The following LEKR1 variants were observed in gnomAD, a reference collection of about 807,000 sequenced individuals.
The protein encoded by LEKR1 is leucine, glutamate and lysine rich 1.
Under a neutral mutation model 72.4 loss-of-function variants are expected in LEKR1, and 59 were observed. The observed-to-expected ratio is 0.82, with a 90% CI of 0.66 to 1.01. The LOEUF is 1.01. Among genes scored for constraint, LEKR1 ranks in the 50% least tolerant of loss-of-function variants. The pLI, the probability that LEKR1 is intolerant of heterozygous loss-of-function variation, is 0.00. For missense variants in LEKR1, 728 were observed against 759.2 expected, an observed-to-expected ratio of 0.96 and a Z score of 0.48; for synonymous variants, 257 against 263.2, an observed-to-expected ratio of 0.98 and a Z score of 0.23.
chr3:156,951,613 T>G (rs1015976811), intron 6 of LEKR1, among the ~76,000 whole-genome samples: 1 of 151,784 alleles, frequency 6.6e-6, no homozygotes, highest in African/African-American at 2.4e-5. Flanking sequence ...CAGGTATGTA[T>G]GCATCTCTTC....
chr3:156,938,907 CAA>C (rs1176715320), intron 5 of LEKR1, among the ~76,000 whole-genome samples: 8 of 151,818 alleles, frequency 5.3e-5, no homozygotes, highest in Non-Finnish European at 1.2e-4. Flanking sequence ...AATAACAAAA[CAA>C]AAAAACTTAT....
At chr3:156,964,952 T>G (rs1298238103) in intron 6 of LEKR1, among the ~76,000 whole-genome samples, 1 of 152,204 alleles carries the variant, frequency 6.6e-6, no homozygotes, top group South Asian at 2.1e-4. Flanking sequence ...AATATTCTGT[T>G]CATTTCATTG....
At chr3:157,034,180 C>A (rs1194407715) in intron 12 of LEKR1, among the ~76,000 whole-genome samples, 1 of 152,136 alleles carries the variant, frequency 6.6e-6, no homozygotes, top group Non-Finnish European at 1.5e-5. Context: ...CATTCTGCAG[C>A]GCATGAATCA....
At chr3:157,020,606 A>C (rs1342143804) in intron 10 of LEKR1, among the ~76,000 whole-genome samples, 6 of 150,732 alleles carry the variant, frequency 4.0e-5, no homozygotes, top group Non-Finnish European at 7.4e-5. Flanking sequence ...AAGGACATGA[A>C]CTCATCATTT....
In LEKR1 at chr3:157,024,942, T is replaced by A; in HGVS notation, c.1368+18T>A. ...AAATGAAGGTCTGTAATTATGATGT[T>A]CATCATTATTTAATAGATTTGAAAC... On this transcript the variant is annotated intron_variant, in intron 11 of 12. Transcript: ENST00000356539. 1 of 1,502,448 alleles carries A rather than the reference T, an allele frequency of 6.7e-7. No individual in the cohort carries two copies. Among genetic ancestry groups the A allele is most frequent in the Non-Finnish European group, 9.1e-7 (1 of 1,095,420 alleles). The allele number at this position is 1,502,448 out of a possible 1,614,324, so 93.1% of individuals were successfully genotyped here.
At chr3:156,960,539 G>T (rs753283393) in intron 6 of LEKR1, among the ~76,000 whole-genome samples, 1 of 152,104 alleles carries the variant, frequency 6.6e-6, no homozygotes. Flanking sequence ...GCCCTCCTAG[G>T]CCTCTCAAAG....
intron 3 of LEKR1, among the ~76,000 whole-genome samples, chr3:156,896,346 A>G (rs2108559957): frequency 6.6e-6 from 1 of 152,332 alleles, no homozygotes; most frequent in South Asian, 2.1e-4. Context: ...TGTACCATGG[A>G]ACTTAAAAGT....
At chr3:157,022,042 T>C (rs942834595) in intron 10 of LEKR1, among the ~76,000 whole-genome samples, 8 of 152,100 alleles carry the variant, frequency 5.3e-5, no homozygotes, top group Non-Finnish European at 8.8e-5. Flanking sequence ...GTAGTGGAAG[T>C]CAGACTGGAG....
chr3:156,959,231 T>C (rs1727906622), intron 6 of LEKR1, among the ~76,000 whole-genome samples: 1 of 152,180 alleles, frequency 6.6e-6, no homozygotes, highest in African/African-American at 2.4e-5. Flanking sequence ...AAGGGCAGAC[T>C]GATACACCAC....
chr3:156,942,714 G>A lies in LEKR1; in HGVS notation c.745G>A (p.Asp249Asn), dbSNP rs1726329206. The A allele has an allele frequency of 8.1e-7, 1 of 1,237,548 alleles. No homozygotes were observed. The highest frequency in any genetic ancestry group is 1.4e-5 in the South Asian group (1 of 73,148). 76.7% of individuals were successfully genotyped at this position (1,237,548 alleles called of 1,614,324 possible). ...CTATGATTTGCAAAAAGAAGTACTA[G>A]GTAAAGAAAAGTCTTTTGCTGTTTT... is the stretch of plus-strand genomic sequence containing the variant. ...RCYDLQKEVLDLQCLVEALGL... is the reference protein window; with the variant it reads ...RCYDLQKEVLNLQCLVEALGL... Residue 249 changes from aspartate (D) to asparagine (N), a missense_variant and splice_region_variant, in exon 6 of 13, where the codon GAT (aspartate) becomes AAT (asparagine). Transcript: ENST00000356539.
intron 3 of LEKR1, among the ~76,000 whole-genome samples, chr3:156,871,419 G>T (rs1302905916): frequency 6.6e-6 from 1 of 152,044 alleles, no homozygotes; most frequent in African/African-American, 2.4e-5. Flanking sequence ...ATAAACATAC[G>T]CGTGCATGTG....
chr3:156,834,975 C>T (rs1712913138), intron 2 of LEKR1, among the ~76,000 whole-genome samples: 1 of 152,130 alleles, frequency 6.6e-6, no homozygotes, highest in Non-Finnish European at 1.5e-5. Flanking sequence ...TTCCCTAAAC[C>T]AGTTAATTAG....
intron 5 of LEKR1, among the ~76,000 whole-genome samples, chr3:156,938,825 G>T (rs571056705): frequency 2.6e-5 from 4 of 152,142 alleles, no homozygotes. Context: ...TTGATAATAA[G>T]GTTATAGAGG....
In LEKR1 at chr3:156,965,572, T is replaced by C. The variant is rs115171672; in HGVS notation, c.746-13622T>C. ...TGAATTGCATCTTTTTAATTATATA[T>C]CCATACTTATTCTAGCATCTGATTT... is the stretch of plus-strand genomic sequence containing the variant. On this transcript the variant is annotated intron_variant, in intron 6 of 12. Coordinates refer to ENST00000356539, the MANE Select transcript of LEKR1 (RefSeq NM_001004316.3). 3.5e-3 allele frequency among the ~76,000 whole-genome samples: 528 copies of C among 152,294 alleles called. 3 individuals carry two copies. Among genetic ancestry groups the C allele is most frequent in the Middle Eastern group, 0.01 (3 of 294 alleles).
intron 9 of LEKR1, among the ~76,000 whole-genome samples, chr3:157,000,573 T>G (rs957072269): frequency 3.9e-5 from 6 of 152,346 alleles, no homozygotes; most frequent in African/African-American, 1.2e-4. Context: ...TTGTGCCTGG[T>G]AGGTTGTAGG....
chr3:156,945,124 A>T (rs1726566563), intron 6 of LEKR1, among the ~76,000 whole-genome samples: 1 of 151,852 alleles, frequency 6.6e-6, no homozygotes, highest in East Asian at 1.9e-4. Flanking sequence ...CTGAGGTGAG[A>T]TTATATCTCA....
intron 12 of LEKR1, among the ~76,000 whole-genome samples, 162 bp downstream of exon 12, chr3:157,028,564 G>A (rs746779891): frequency 1.3e-5 from 2 of 151,582 alleles, no homozygotes; most frequent in African/African-American, 2.4e-5. Flanking sequence ...TCACATCCTG[G>A]TGCTCTGTCC....
At chr3:156,913,274 T>C (rs180720414) in intron 3 of LEKR1, among the ~76,000 whole-genome samples, 243 of 152,334 alleles carry the variant, frequency 1.6e-3, no homozygotes, top group Admixed American at 5.3e-3. Flanking sequence ...GCATGGAATA[T>C]TTTTTCATTT....
chr3:156,841,769 A>G (rs1412023425), intron 2 of LEKR1, among the ~76,000 whole-genome samples: 1 of 152,190 alleles, frequency 6.6e-6, no homozygotes, highest in African/African-American at 2.4e-5. Flanking sequence ...TGATTTATCT[A>G]GATTGTCTGT....
Sources: allele counts gnomAD v4.1 joint callset (sites outside exome capture counted in the v4.1 genomes callset), GRCh38; gene constraint gnomAD v4.1.1; transcripts MANE v1.5; gene names NCBI Gene and HGNC (gene_info 2026-07-23, HGNC 2026-07-21).